BICRA: variants seen among roughly 807,000 people sequenced by gnomAD.
The protein encoded by BICRA is BRD4 interacting chromatin remodeling complex associated protein, also known as BRD4-interacting chromatin-remodeling complex-associated protein.
In BICRA, 31 loss-of-function variants were observed where a neutral mutation model predicts 96.9. The ratio of observed to expected loss-of-function variants is 0.32; its 90% confidence interval spans 0.24 to 0.43. The LOEUF (loss-of-function observed/expected upper bound fraction) is 0.43. Among genes scored for constraint, BICRA ranks in the 20% least tolerant of loss-of-function variants. The pLI is 1.00. For missense variants in BICRA, 2,283 were observed against 2,190.3 expected, an observed-to-expected ratio of 1.04 and a Z score of -0.84; for synonymous variants, 1,350 against 1,071.8, an observed-to-expected ratio of 1.26 and a Z score of -5.07.
chr19:47,620,602 C>T (rs2913992), intron 1 of BICRA, among the ~76,000 whole-genome samples: 1 of 132,990 alleles, frequency 7.5e-6, no homozygotes, highest in Non-Finnish European at 1.5e-5. Context: ...CCCAGAAGGT[C>T]GAGGCTCCAG....
At chr19:47,670,357 T>A (rs1342911774) in intron 1 of BICRA, 86 bp from the exon 2 acceptor site, 3 of 152,254 alleles carry the variant, frequency 2.0e-5, no homozygotes, top group Non-Finnish European at 4.4e-5. Flanking sequence ...CCCACCTACA[T>A]CCCATAGCTC....
In BICRA at chr19:47,698,798, G is replaced by C. The variant is rs749752568; in HGVS notation, c.3397+16G>C. The C allele has an allele frequency of 1.0e-5, 16 of 1,585,258 alleles. No individual in the cohort carries two copies. In the African/African-American group the frequency reaches 2.2e-4, roughly 21 times the overall value. On this transcript the variant is annotated intron_variant, in intron 12 of 14. Transcript: ENST00000594866. The surrounding 1 kb of genome is among the most constrained non-coding windows in gnomAD (Gnocchi z 4.8). ...TACCACAAAGGTGAGGCCTCCCCAG[G>C]ACACGGCCCTATATGTCCCAGGGGA...
chr19:47,638,680 G>C (rs997493797), intron 1 of BICRA, among the ~76,000 whole-genome samples: 9 of 152,122 alleles, frequency 5.9e-5, no homozygotes, highest in Non-Finnish European at 1.2e-4. Context: ...TTTTGAGACG[G>C]AGTCTCGCTC....
chr19:47,695,342 T>TCGCCC, intron 9 of BICRA, 23 bp from the exon 10 acceptor site: 2 of 630,198 alleles, frequency 3.2e-6, no homozygotes, highest in South Asian at 1.9e-5. Context: ...AGGCCCTGTC[T>TCGCCC]CCCCCACCCC....
At chr19:47,643,163 T>A (rs1476748862) in intron 1 of BICRA, among the ~76,000 whole-genome samples, 1 of 152,198 alleles carries the variant, frequency 6.6e-6, no homozygotes, top group Non-Finnish European at 1.5e-5. Context: ...AAAGACAAGG[T>A]TTCGCCATGT....
intron 1 of BICRA, among the ~76,000 whole-genome samples, chr19:47,655,525 C>CAAAA (rs58172799): frequency 2.5e-3 from 164 of 65,068 alleles, no homozygotes; most frequent in African/African-American, 9.9e-3. Flanking sequence ...AACTCTGTCT[C>CAAAA]AAAAAAAAAA....
Position 47,701,545 on chromosome 19 carries a change from T to C in BICRA, c.3813T>C (p.Ser1271=), listed in dbSNP as rs1973445639. The C allele has an allele frequency of 1.3e-6, 2 of 1,548,390 alleles. No individual in the cohort carries two copies. The highest frequency in any genetic ancestry group is 1.4e-5 in the African/African-American group (1 of 72,982). ...GGGCGTCCTCCTCCCTGTCCTCCTC[T>C]TCCTCCTCCTCCTCTGCCGCCTCCT... ...WARASSSLSS[S]SSSSSAASSL... is the part of the protein sequence containing the mutation. The change falls in exon 15 of 15, where the codon TCT becomes TCC. Residue 1271 remains serine (S), a synonymous_variant. Coordinates refer to ENST00000594866, the MANE Select transcript of BICRA (RefSeq NM_001394372.1). This position sits in a 1 kb window ranked among gnomAD's most constrained non-coding sequence, Gnocchi z 5.4.
intron 1 of BICRA, among the ~76,000 whole-genome samples, chr19:47,645,458 G>T (rs1972445395): frequency 6.6e-6 from 1 of 152,138 alleles, no homozygotes; most frequent in Admixed American, 6.5e-5. Flanking sequence ...CCTTGTTCTG[G>T]CAGGTGGTGC....
At chr19:47,687,573 A>G (rs572030634) in intron 7 of BICRA, among the ~76,000 whole-genome samples, 4 of 152,220 alleles carry the variant, frequency 2.6e-5, no homozygotes, top group Admixed American at 1.3e-4. Context: ...GAGGCGGGCA[A>G]TCACCTGAGG....
chr19:47,694,536 C>T lies in BICRA; in HGVS notation c.2705C>T (p.Thr902Met), dbSNP rs376974914. ...ACGTCCTCCAGGTTGCCAGCCCCTA[C>T]GCCATCCGACTTCCAGCTCCAGTTC... ...SETSSRLPAP[T>M]PSDFQLQFPP... The change falls in exon 8 of 15, where the codon ACG becomes ATG. Residue 902 changes from threonine to methionine, a missense_variant. Coordinates refer to ENST00000594866, the MANE Select transcript of BICRA (RefSeq NM_001394372.1). 5.9e-5 allele frequency: 95 copies of T among 1,609,466 alleles called. No individual in the cohort carries two copies. The highest frequency in any genetic ancestry group is 2.5e-4 in the East Asian group (11 of 44,598).
rs1351117199 is a variant in BICRA, at chr19:47,701,947, C to G, written c.4215C>G (p.Pro1405=). The G allele has an allele frequency of 1.4e-6, 2 of 1,443,988 alleles. No homozygotes were observed. Among genetic ancestry groups the G allele is most frequent in the African/African-American group, 1.5e-5 (1 of 66,322 alleles). The allele number at this position is 1,443,988 out of a possible 1,614,324, so 89.4% of individuals were successfully genotyped here. A position where few individuals can be genotyped will look rare whatever the true frequency, so the allele number is the denominator to read the frequency against. The change falls in exon 15 of 15, where the codon CCC becomes CCG. Residue 1405 remains proline (P), a synonymous_variant. Transcript: ENST00000594866. This position sits in a 1 kb window ranked among gnomAD's most constrained non-coding sequence, Gnocchi z 5.4. ...VGGPGAPEGT[P]AGRARGGSPA... is the part of the protein sequence containing the mutation. The stretch of plus-strand genomic sequence containing the variant: ...GCCCTGGCGCGCCGGAGGGGACGCC[C>G]GCAGGCAGGGCACGGGGAGGCAGCC...
intron 1 of BICRA, chr19:47,661,924 TGA>T (rs1904922820): frequency 6.6e-6 from 1 of 152,110 alleles, no homozygotes; most frequent in Non-Finnish European, 1.5e-5. Context: ...CCCAGGCATT[TGA>T]GACCTGCCTG....
rs199550150 is a variant in BICRA at position 47,673,738 on chromosome 19, T to C, written c.60T>C (p.Asn20=). ...CTTCCAGTGACCCACAGGCCCTCAA[T>C]GACTTCTTGCATGGATCCGAGAAGG... The part of the protein sequence containing the change: ...LDVICDPQAL[N]DFLHGSEKLD... The change falls in exon 4 of 15, where the codon AAT becomes AAC. Residue 20 remains asparagine, a synonymous_variant. Coordinates refer to ENST00000594866, the MANE Select transcript of BICRA (RefSeq NM_001394372.1). 5.3e-5 allele frequency: 82 copies of C among 1,558,996 alleles called. No homozygotes were observed. In the East Asian group the frequency reaches 1.9e-3, roughly 36 times the overall value.
At chr19:47,671,532 G>A (rs1252443508) in intron 2 of BICRA, among the ~76,000 whole-genome samples, 1 of 152,104 alleles carries the variant, frequency 6.6e-6, no homozygotes, top group Non-Finnish European at 1.5e-5. Context: ...GGGAGCAGAG[G>A]GTGCAGGAAG....
intron 10 of BICRA, among the ~76,000 whole-genome samples, chr19:47,695,736 A>G (rs1163692306): frequency 6.6e-6 from 1 of 152,102 alleles, no homozygotes; most frequent in Non-Finnish European, 1.5e-5. Flanking sequence ...GTAAGGGACT[A>G]TGACTGGGGA....
rs531158626 is a variant in BICRA, at chr19:47,610,116, G to T, written c.-108+948G>T. Among the ~76,000 whole-genome samples the T allele has an allele frequency of 6.2e-3, 950 of 152,332 alleles. 6 individuals carry two copies. The highest frequency in any genetic ancestry group is 0.017 in the Middle Eastern group (5 of 292). On this transcript the variant is annotated intron_variant, in intron 1 of 14. Coordinates refer to ENST00000594866, the MANE Select transcript of BICRA (RefSeq NM_001394372.1). Reference sequence around the variant, plus strand: ...AGACAAAGGCAGCCCTTTCCCCGGGGTGAGCCCGGACGAGCTGGGCCTGCG... The same window carrying T: ...AGACAAAGGCAGCCCTTTCCCCGGGTTGAGCCCGGACGAGCTGGGCCTGCG...
At chr19:47,653,245 A>G (rs1346236782) in intron 1 of BICRA, among the ~76,000 whole-genome samples, 2 of 150,398 alleles carry the variant, frequency 1.3e-5, no homozygotes, top group African/African-American at 4.9e-5. Flanking sequence ...CTGGTCTCAA[A>G]CTCCTGACCT....
chr19:47,701,790 C>G lies in BICRA; in HGVS notation c.4058C>G (p.Pro1353Arg). ...AEPPPRPPPP[P>R]PPTGQMNGTV... ...CCCCCGCCACGGCCGCCACCACCAC[C>G]GCCGCCCACGGGCCAGATGAACGGC... Residue 1353 changes from proline (P) to arginine (R), a missense_variant, in exon 15 of 15, where the codon CCG becomes CGG. Coordinates refer to ENST00000594866, the MANE Select transcript of BICRA (RefSeq NM_001394372.1). The surrounding 1 kb of genome is among the most constrained non-coding windows in gnomAD (Gnocchi z 5.4). 1 of 1,539,034 alleles carries G rather than the reference C, an allele frequency of 6.5e-7. No homozygotes were observed. The highest frequency in any genetic ancestry group is 8.7e-7 in the Non-Finnish European group (1 of 1,143,876).
intron 2 of BICRA, among the ~76,000 whole-genome samples, chr19:47,671,170 C>T (rs1360128162): frequency 6.6e-6 from 1 of 152,172 alleles, no homozygotes; most frequent in East Asian, 1.9e-4. Context: ...CAAATATGCC[C>T]CAGCCCACTG....
Sources: allele counts gnomAD v4.1 joint callset (sites outside exome capture counted in the v4.1 genomes callset), GRCh38; gene constraint gnomAD v4.1.1; non-coding constraint Gnocchi (gnomAD v3.1); transcripts MANE v1.5; gene names NCBI Gene and HGNC (gene_info 2026-07-23, HGNC 2026-07-21).